Variants in NBEA observed in about 807,000 individuals in gnomAD.
NBEA encodes neurobeachin.
Under a neutral mutation model 343.4 loss-of-function variants are expected in NBEA, and 44 were observed. The observed-to-expected ratio is 0.13, with a 90% confidence interval of 0.10 to 0.16. The LOEUF is 0.16. NBEA is among the 10% of genes least tolerant of loss of function. The probability of loss-of-function intolerance (pLI) is 1.00; values close to 1 mark genes in which losing one functional copy is unlikely to be tolerated. For synonymous variants in NBEA, 1,175 were observed against 1,238.7 expected, an observed-to-expected ratio of 0.95 and a Z score of 1.08; for missense variants, 2,555 against 3,631.3, an observed-to-expected ratio of 0.70 and a Z score of 7.62.
intron 41 of NBEA, among the ~76,000 whole-genome samples, chr13:35,540,320 G>A (rs1206521698): frequency 1.3e-5 from 2 of 152,046 alleles, no homozygotes; most frequent in Admixed American, 1.3e-4. Context: ...AATACATAGA[G>A]AAGTTAATGT....
intron 36 of NBEA, among the ~76,000 whole-genome samples, chr13:35,318,900 A>G (rs1202469132): frequency 6.6e-6 from 1 of 152,100 alleles, no homozygotes; most frequent in South Asian, 2.1e-4. Flanking sequence ...AGAGGTGTTT[A>G]TAGTATTCTC....
intron 18 of NBEA, among the ~76,000 whole-genome samples, chr13:35,144,870 A>G (rs1486464260): frequency 3.3e-5 from 5 of 152,222 alleles, no homozygotes; most frequent in Non-Finnish European, 7.3e-5. Flanking sequence ...CACAAAATTT[A>G]CAAGGAGGTT....
At position 35,030,712 on chromosome 13, in the gene NBEA, C is replaced by T. The variant is rs1432251282; in HGVS notation, c.295-10221C>T. ...CATTCAGCAGTTAGCCTCTTTAACA[C>T]GAATGTATTAAAAGTTAACAATAAA... On this transcript the variant is annotated intron_variant, in intron 1 of 58. Coordinates refer to ENST00000379939, the MANE Select transcript of NBEA (RefSeq NM_001385012.1). Among the ~76,000 whole-genome samples, 16 of 151,558 alleles carry T rather than the reference C, an allele frequency of 1.1e-4. No homozygotes were observed. The South Asian group carries it at 1.7e-3, about 16-fold the overall frequency.
intron 34 of NBEA, among the ~76,000 whole-genome samples, chr13:35,261,315 C>T (rs2033195083): frequency 6.6e-6 from 1 of 152,122 alleles, no homozygotes; most frequent in Non-Finnish European, 1.5e-5. Context: ...AGTTCGAGAC[C>T]AGCCTGGCCA....
intron 4 of NBEA, among the ~76,000 whole-genome samples, chr13:35,045,690 CAT>C (rs1357176465): frequency 2.0e-5 from 3 of 151,490 alleles, no homozygotes; most frequent in African/African-American, 7.3e-5. Context: ...TAAATAAAAT[CAT>C]ACAGTATACA....
chr13:35,165,043 T>C, intron 24 of NBEA: 1 of 532,962 alleles, frequency 1.9e-6, no homozygotes, highest in South Asian at 1.4e-5. Context: ...ACTCCATAGC[T>C]ACTTGCTCAG....
intron 22 of NBEA, among the ~76,000 whole-genome samples, chr13:35,161,045 G>T (rs61947432): frequency 1.3e-5 from 2 of 152,138 alleles, no homozygotes; most frequent in African/African-American, 4.8e-5. Context: ...TGTGGGGAAA[G>T]TATTTTTATT....
intron 1 of NBEA, among the ~76,000 whole-genome samples, chr13:34,993,299 C>T (rs373396487): frequency 2.8e-4 from 43 of 152,292 alleles, no homozygotes; most frequent in Non-Finnish European, 5.6e-4. Flanking sequence ...GCACCAATAG[C>T]ATCCTCGTTT....
intron 40 of NBEA, among the ~76,000 whole-genome samples, chr13:35,452,857 G>A (rs1335361294): frequency 6.6e-6 from 1 of 152,134 alleles, no homozygotes; most frequent in Non-Finnish European, 1.5e-5. Context: ...AAGCCACTTT[G>A]AGAATCTGAT....
intron 6 of NBEA, 125 bp downstream of exon 6, chr13:35,050,520 T>A: frequency 1.0e-6 from 1 of 1,000,966 alleles, no homozygotes; most frequent in East Asian, 2.8e-5. Context: ...TCTCTTATCC[T>A]TGTCTGCATT....
At chr13:35,202,730 C>G (rs922711977) in intron 31 of NBEA, among the ~76,000 whole-genome samples, 5 of 152,070 alleles carry the variant, frequency 3.3e-5, no homozygotes, top group African/African-American at 1.2e-4. Flanking sequence ...GTTTGAACCT[C>G]TTTTCTAAAC....
Position 35,045,413 on chromosome 13 carries a change from A to G in NBEA, c.723+12A>G, listed in dbSNP as rs373996595. 15 of 1,569,206 alleles carry G rather than the reference A, an allele frequency of 9.6e-6. No homozygotes were observed. The highest frequency in any genetic ancestry group is 1.8e-5 in the Admixed American group (1 of 56,388). Reference sequence around the variant, plus strand: ...GTTGTAGCGCTGCGGTAAGTTTTAAATACATGTGCTGATTTTTATTTATTT... The same window carrying G: ...GTTGTAGCGCTGCGGTAAGTTTTAAGTACATGTGCTGATTTTTATTTATTT... On this transcript the variant is annotated intron_variant, in intron 4 of 58. Coordinates refer to ENST00000379939, the MANE Select transcript of NBEA (RefSeq NM_001385012.1).
intron 49 of NBEA, among the ~76,000 whole-genome samples, chr13:35,632,178 A>G (rs2083482180): frequency 6.6e-6 from 1 of 152,200 alleles, no homozygotes; most frequent in South Asian, 2.1e-4. Flanking sequence ...TTATATATTA[A>G]TAAAAAGTAT....
At chr13:35,444,120 A>G (rs1446221588) in intron 39 of NBEA, among the ~76,000 whole-genome samples, 3 of 151,950 alleles carry the variant, frequency 2.0e-5, no homozygotes, top group Non-Finnish European at 4.4e-5. Flanking sequence ...ATGTTTTCGA[A>G]CAATAGGTTC....
In NBEA at chr13:35,481,196, A is replaced by G. The variant is rs559172934; in HGVS notation, c.6585+8660A>G. 6.9e-4 allele frequency among the ~76,000 whole-genome samples: 105 copies of G among 152,056 alleles called. 2 individuals are homozygous for G. In the South Asian group the frequency reaches 0.021, roughly 30 times the overall value. On this transcript the variant is annotated intron_variant, in intron 41 of 58. Transcript: ENST00000379939. ...CTTTTTTTCTCTACAGTGTTGCTTA[A>G]TAAGCTTGATATTGGTATTAATAGG... is the stretch of plus-strand genomic sequence containing the variant.
intron 41 of NBEA, among the ~76,000 whole-genome samples, chr13:35,506,833 A>G (rs1354748122): frequency 6.6e-6 from 1 of 152,116 alleles, no homozygotes; most frequent in Non-Finnish European, 1.5e-5. Flanking sequence ...AACCATTGCC[A>G]TAGAGTTTGA....
intron 38 of NBEA, among the ~76,000 whole-genome samples, chr13:35,377,611 TC>T: frequency 6.6e-6 from 1 of 152,322 alleles, no homozygotes; most frequent in East Asian, 1.9e-4. Flanking sequence ...TGAATAAGCC[TC>T]TAGCTCAGAT....
intron 38 of NBEA, among the ~76,000 whole-genome samples, chr13:35,402,440 T>G (rs1566079790): frequency 6.6e-6 from 1 of 152,078 alleles, no homozygotes; most frequent in Non-Finnish European, 1.5e-5. Context: ...CAGTTCTTTT[T>G]CTTGTTCTTT....
intron 8 of NBEA, among the ~76,000 whole-genome samples, chr13:35,062,412 C>G (rs2063500110): frequency 6.6e-6 from 1 of 151,374 alleles, no homozygotes; most frequent in Admixed American, 6.6e-5. Flanking sequence ...TAAGAGAAAG[C>G]CAGAAAAAAT....
Sources: allele counts gnomAD v4.1 joint callset (sites outside exome capture counted in the v4.1 genomes callset), GRCh38; gene constraint gnomAD v4.1.1; transcripts MANE v1.5; gene names NCBI Gene and HGNC (gene_info 2026-07-23, HGNC 2026-07-21).